Variants in MYOF observed in about 807,000 individuals in gnomAD.
MYOF encodes the protein fer-1-like 3, myoferlin.
Under a neutral mutation model 284.2 loss-of-function variants are expected in MYOF, and 244 were observed. The observed-to-expected ratio is 0.86, with a 90% confidence interval of 0.77 to 0.95. The LOEUF is 0.95. MYOF is among the 40% of genes least tolerant of loss of function. MYOF has a pLI of 0.00. For synonymous variants in MYOF, 904 were observed against 919.7 expected, an observed-to-expected ratio of 0.98 and a Z score of 0.31; for missense variants, 2,496 against 2,560.6, an observed-to-expected ratio of 0.97 and a Z score of 0.54.
At chr10:93,338,311 C>T (rs1158721585) in intron 39 of MYOF, 1 of 458,168 alleles carries the variant, frequency 2.2e-6, no homozygotes, top group Non-Finnish European at 4.4e-6. Context: ...GCCCTTTTAG[C>T]CAGTAATGCC....
At position 93,424,355 on chromosome 10, in the gene MYOF, G is replaced by A. The variant is rs545420796; in HGVS notation, c.433+1716C>T. Among the ~76,000 whole-genome samples, 270 of 152,316 alleles carry A rather than the reference G, an allele frequency of 1.8e-3. 1 individual carries two copies. The highest frequency in any genetic ancestry group is 6.0e-3 in the African/African-American group (250 of 41,562). The stretch of plus-strand genomic sequence containing the variant: ...ACAAATGCTGGTGACAATAGTCATC[G>A]GCAGCGGAGGTCTGAGGGAAATGGG... On this transcript the variant is annotated intron_variant, in intron 5 of 53. Coordinates refer to ENST00000359263, the MANE Select transcript of MYOF (RefSeq NM_013451.4).
chr10:93,402,439 T>G, intron 10 of MYOF, 92 bp from the exon 11 acceptor site: 1 of 1,037,058 alleles, frequency 9.6e-7, no homozygotes, highest in East Asian at 2.4e-5. Flanking sequence ...CTGCATTTTC[T>G]TGGAAGCCTC....
At chr10:93,328,248 T>G (rs1021188630) in intron 45 of MYOF, among the ~76,000 whole-genome samples, 4 of 152,198 alleles carry the variant, frequency 2.6e-5, no homozygotes, top group Non-Finnish European at 4.4e-5. Flanking sequence ...TGATGCTTAC[T>G]GCAGTCTTTG....
intron 50 of MYOF, among the ~76,000 whole-genome samples, chr10:93,314,651 A>G (rs1842536766): frequency 6.6e-6 from 1 of 152,130 alleles, no homozygotes; most frequent in Non-Finnish European, 1.5e-5. Flanking sequence ...GCCTTTCTTG[A>G]CCTATGACTG....
chr10:93,423,829 T>C (rs1417093366), intron 5 of MYOF, among the ~76,000 whole-genome samples: 5 of 146,426 alleles, frequency 3.4e-5, no homozygotes, highest in Non-Finnish European at 7.5e-5. Flanking sequence ...CCAGACTCTG[T>C]CTAAAAAAAA....
chr10:93,332,540 T>C (rs1843361738), intron 43 of MYOF, among the ~76,000 whole-genome samples: 1 of 151,270 alleles, frequency 6.6e-6, no homozygotes, highest in African/African-American at 2.4e-5. Flanking sequence ...TCTTAAAAGC[T>C]AAGTACATTA....
chr10:93,478,965 T>C (rs2057332725), intron 1 of MYOF, among the ~76,000 whole-genome samples: 1 of 152,012 alleles, frequency 6.6e-6, no homozygotes, highest in Admixed American at 6.6e-5. Context: ...TCACAGTGTC[T>C]ATGCGAGCTT....
intron 49 of MYOF, among the ~76,000 whole-genome samples, chr10:93,318,088 C>T (rs1290502078): frequency 6.6e-6 from 1 of 152,166 alleles, no homozygotes; most frequent in East Asian, 1.9e-4. Flanking sequence ...CTGATCCCCA[C>T]CATCAGCCCT....
chr10:93,400,030 CAAAAT>C (rs1250192635), intron 12 of MYOF, among the ~76,000 whole-genome samples: 11 of 151,860 alleles, frequency 7.2e-5, no homozygotes, highest in Non-Finnish European at 1.6e-4. Context: ...GGCTCTATCT[CAAAAT>C]AAAATAAAAT....
In MYOF at chr10:93,312,765, C is replaced by T. The variant is rs1183377972; in HGVS notation, c.5889+255G>A. Among the ~76,000 whole-genome samples, 4 of 151,964 alleles carry T rather than the reference C, an allele frequency of 2.6e-5. 1 individual carries two copies. The highest frequency in any genetic ancestry group is 7.3e-5 in the African/African-American group (3 of 41,340). On this transcript the variant is annotated intron_variant, in intron 51 of 53. Coordinates refer to ENST00000359263, the MANE Select transcript of MYOF (RefSeq NM_013451.4). ...AGAAGAAAGGAAAATATAGTGAAACCACCTGGGCTTCTACTTTTTGACCAT... is the reference window on the plus strand; with the variant it reads ...AGAAGAAAGGAAAATATAGTGAAACTACCTGGGCTTCTACTTTTTGACCAT...
intron 1 of MYOF, among the ~76,000 whole-genome samples, chr10:93,478,860 G>GAAAGAAA (rs1421937106): frequency 8.2e-5 from 12 of 145,840 alleles, no homozygotes; most frequent in South Asian, 2.2e-4. Flanking sequence ...AAGAAAGAAA[G>GAAAGAAA]GGTTTGAACA....
At chr10:93,398,239 T>G (rs574142774) in intron 13 of MYOF, among the ~76,000 whole-genome samples, 53 of 152,250 alleles carry the variant, frequency 3.5e-4, no homozygotes, top group African/African-American at 1.2e-3. Context: ...ATCGCCCTTC[T>G]CCCTGCCTGG....
chr10:93,480,394 AT>A (rs796066974), intron 1 of MYOF, among the ~76,000 whole-genome samples: 1 of 150,830 alleles, frequency 6.6e-6, no homozygotes, highest in Non-Finnish European at 1.5e-5. Flanking sequence ...ATTCAAAAAA[AT>A]TTTTTTAAAT....
chr10:93,316,874 A>C, intron 49 of MYOF, 61 bp from the exon 50 acceptor site: 1 of 1,391,890 alleles, frequency 7.2e-7, no homozygotes, highest in Non-Finnish European at 1.0e-6. Flanking sequence ...GCTCCTTAAG[A>C]CAGCATCAAA....
Position 93,340,881 on chromosome 10 carries a change from G to A in MYOF, c.4327-717C>T, listed in dbSNP as rs116780681. 3.0e-3 allele frequency among the ~76,000 whole-genome samples: 452 copies of A among 152,180 alleles called. 2 individuals carry two copies. Among genetic ancestry groups the A allele is most frequent in the Middle Eastern group, 0.02 (6 of 294 alleles). On this transcript the variant is annotated intron_variant, in intron 38 of 53. Coordinates refer to ENST00000359263, the MANE Select transcript of MYOF (RefSeq NM_013451.4). The stretch of plus-strand genomic sequence containing the variant: ...ATCTGTTAGAGCATTAGCCAAGCTC[G>A]TCCTCAGCAGCAGTTTGAAGACATG...
In MYOF at chr10:93,325,807, G is replaced by A. The variant is rs1431131928; in HGVS notation, c.5271+19C>T. 2 of 1,603,938 alleles carry A rather than the reference G, an allele frequency of 1.2e-6. No individual in the cohort carries two copies. ...TTGGGGCAGGGATAATGGTCTTCAAGGGAGGGAAGGCCCTTTACCTGGGAA... is the reference window on the plus strand; with the variant it reads ...TTGGGGCAGGGATAATGGTCTTCAAAGGAGGGAAGGCCCTTTACCTGGGAA... On this transcript the variant is annotated intron_variant, in intron 46 of 53. Coordinates refer to ENST00000359263, the MANE Select transcript of MYOF (RefSeq NM_013451.4).
chr10:93,353,715 T>G, intron 32 of MYOF, 96 bp downstream of exon 32: 7 of 1,022,300 alleles, frequency 6.8e-6, no homozygotes, highest in Non-Finnish European at 8.7e-6. Context: ...AAAGGGTTTT[T>G]GTTGTTAGAA....
Position 93,387,781 on chromosome 10 carries a change from A to G in MYOF, c.1698+16T>C, listed in dbSNP as rs1425649867. ...TCCTTTTCTATACCATGCATTACTC[A>G]CACTTTAACATTTACCTCAACAACC... On this transcript the variant is annotated intron_variant, in intron 19 of 53. Coordinates refer to ENST00000359263, the MANE Select transcript of MYOF (RefSeq NM_013451.4). 2 of 1,604,134 alleles carry G rather than the reference A, an allele frequency of 1.2e-6. No individual in the cohort carries two copies. Among genetic ancestry groups the G allele is most frequent in the Non-Finnish European group, 1.7e-6 (2 of 1,170,998 alleles).
Position 93,452,047 on chromosome 10 carries a change from T to G in MYOF, c.236+3A>C. 1 of 1,602,264 alleles carries G rather than the reference T, an allele frequency of 6.2e-7. No individual in the cohort carries two copies. The highest frequency in any genetic ancestry group is 8.5e-7 in the Non-Finnish European group (1 of 1,172,098). ...ATGAGAAAAACAGGTGAAAACAACT[T>G]ACTTATTTTGTCCAATTGTCTCAAA... On this transcript the variant is annotated splice_donor_region_variant and intron_variant, in intron 3 of 53. Coordinates refer to ENST00000359263, the MANE Select transcript of MYOF (RefSeq NM_013451.4).
Sources: allele counts gnomAD v4.1 joint callset (sites outside exome capture counted in the v4.1 genomes callset), GRCh38; gene constraint gnomAD v4.1.1; transcripts MANE v1.5; gene names NCBI Gene and HGNC (gene_info 2026-07-23, HGNC 2026-07-21).